Variants in CA12 observed in about 807,000 individuals in gnomAD.
CA12 encodes carbonic anhydrase 12.
CA12 carries 36 observed loss-of-function variants against 46.8 expected under a neutral mutation model. The ratio of observed to expected loss-of-function variants is 0.77; its 90% CI spans 0.59 to 1.02. CA12 has a LOEUF of 1.02. CA12 is among the 50% of genes least tolerant of loss of function. CA12 has a pLI of 0.00. For synonymous variants in CA12, 202 were observed against 187.0 expected (o/e 1.08, Z -0.65); for missense variants, 436 against 451.4 (o/e 0.97, Z 0.31).
At chr15:63,342,659 A>C (rs1332028741) in intron 4 of CA12, among the ~76,000 whole-genome samples, 1 of 152,188 alleles carries the variant, frequency 6.6e-6, no homozygotes, top group Non-Finnish European at 1.5e-5. Context: ...CCCTCTTCCC[A>C]TCATGGCCTG....
At position 63,327,314 on chromosome 15, in the gene CA12, G is replaced by T. The variant is rs1160917543; in HGVS notation, c.908-81C>A. ...CCATGGCCCCCGGGTGTGAAATCAT[G>T]GCCCAGCTGCATAATCATCCACAGA... is the stretch of plus-strand genomic sequence containing the variant. On this transcript the variant is annotated intron_variant, in intron 9 of 10. Transcript: ENST00000178638. The surrounding 1 kb of genome is among the most constrained non-coding windows in gnomAD (Gnocchi z 4.5). The T allele has an allele frequency of 8.7e-6, 9 of 1,030,268 alleles. No individual in the cohort carries two copies. In the East Asian group the frequency reaches 2.3e-4, roughly 26 times the overall value. 63.8% of individuals were successfully genotyped at this position (1,030,268 alleles called of 1,614,324 possible).
intron 2 of CA12, among the ~76,000 whole-genome samples, chr15:63,354,236 T>A (rs929794723): frequency 6.6e-6 from 1 of 152,040 alleles, no homozygotes; most frequent in Non-Finnish European, 1.5e-5. Flanking sequence ...GAATCAGAGG[T>A]GGTCCCGGGA....
At position 63,370,639 on chromosome 15, in the gene CA12, G is replaced by C. The variant is rs1175776085; in HGVS notation, c.106+5019C>G. 2.0e-5 allele frequency among the ~76,000 whole-genome samples: 3 copies of C among 151,830 alleles called. No homozygotes were observed. In the East Asian group the frequency reaches 5.8e-4, roughly 29 times the overall value. Reference sequence around the variant, plus strand: ...AATACAAAGATTAGCCGGGCGTGGTGGTGGGTGCCTGTAATCCCAGCTACT... The same window carrying C: ...AATACAAAGATTAGCCGGGCGTGGTCGTGGGTGCCTGTAATCCCAGCTACT... On this transcript the variant is annotated intron_variant, in intron 2 of 10. Transcript: ENST00000178638.
chr15:63,364,188 T>TG lies in CA12; in HGVS notation c.106+11469dup, dbSNP rs560286715. Among the ~76,000 whole-genome samples, 164 of 145,490 alleles carry TG rather than the reference T, an allele frequency of 1.1e-3. No individual in the cohort carries two copies. The South Asian group carries it at 0.029, about 26-fold the overall frequency. On this transcript the variant is annotated intron_variant, in intron 2 of 10. Coordinates refer to ENST00000178638, the MANE Select transcript of CA12 (RefSeq NM_001218.5). ...GTAAAACTCTGTCTCAAAAAAAAAG[T>TG]GGGGGGGCGGTGAGGAGACTTGGCT...
At chr15:63,343,927 A>G (rs771498170) in intron 4 of CA12, among the ~76,000 whole-genome samples, 1 of 152,012 alleles carries the variant, frequency 6.6e-6, no homozygotes, top group Admixed American at 6.6e-5. Context: ...AAAGCAACAC[A>G]CCTCACATTT....
At chr15:63,337,463 TG>T (rs1411513784) in intron 8 of CA12, among the ~76,000 whole-genome samples, 4 of 152,202 alleles carry the variant, frequency 2.6e-5, no homozygotes, top group African/African-American at 9.7e-5. Context: ...TTTTGTTTTT[TG>T]GTTTTTTTTT....
chr15:63,367,837 T>C (rs1206332278), intron 2 of CA12, among the ~76,000 whole-genome samples: 2 of 152,232 alleles, frequency 1.3e-5, no homozygotes, highest in African/African-American at 4.8e-5. Flanking sequence ...CTTAAATGAA[T>C]ACTTACATAA....
Position 63,381,695 on chromosome 15 carries a change from G to T in CA12, c.26C>A (p.Ala9Glu). 1 of 1,608,198 alleles carries T rather than the reference G, an allele frequency of 6.2e-7. No individual in the cohort carries two copies. The highest frequency in any genetic ancestry group is 8.5e-7 in the Non-Finnish European group (1 of 1,177,452). Residue 9 changes from alanine to glutamate, a missense_variant, in exon 1 of 11, where the codon GCG becomes GAG. Transcript: ENST00000178638. ...TAAGATCACCAGCAGGAGCACGGCCGCCGCGTGCAGGCTGCGCCGGGGCAT... is the reference window on the plus strand; with the variant it reads ...TAAGATCACCAGCAGGAGCACGGCCTCCGCGTGCAGGCTGCGCCGGGGCAT... Reference protein sequence around the residue: MPRRSLHAAAVLLLVILKE... With the variant: MPRRSLHAEAVLLLVILKE...
At position 63,340,577 on chromosome 15, in the gene CA12, G is replaced by T; in HGVS notation, c.590-132C>A. On this transcript the variant is annotated intron_variant, in intron 6 of 10. Transcript: ENST00000178638. The surrounding 1 kb of genome is among the most constrained non-coding windows in gnomAD (Gnocchi z 4.4). ...GGTCATCTAACCCCAGGACCTGGTT[G>T]CAACATTGTTCAACAACCTGCTGCT... 1 of 1,414,842 alleles carries T rather than the reference G, an allele frequency of 7.1e-7. No homozygotes were observed. Among genetic ancestry groups the T allele is most frequent in the Non-Finnish European group, 1.0e-6 (1 of 1,000,228 alleles). The allele number at this position is 1,414,842 out of a possible 1,614,324, so 87.6% of individuals were successfully genotyped here.
chr15:63,357,782 A>G (rs558551376), intron 2 of CA12, among the ~76,000 whole-genome samples: 9 of 152,280 alleles, frequency 5.9e-5, no homozygotes, highest in South Asian at 4.1e-4. Context: ...GAACATTTCA[A>G]TATTCCAAAG....
In CA12 at chr15:63,348,109, A is replaced by C. The variant is rs1178769007; in HGVS notation, c.107-1400T>G. The stretch of plus-strand genomic sequence containing the variant: ...TTGGTCCCAGGCTTAGTTAGTTCTT[A>C]CTTCTAGGTCCGGACACACACATCG... On this transcript the variant is annotated intron_variant, in intron 2 of 10. Coordinates refer to ENST00000178638, the MANE Select transcript of CA12 (RefSeq NM_001218.5). This position sits in a 1 kb window ranked among gnomAD's most constrained non-coding sequence, Gnocchi z 4.6. Among the ~76,000 whole-genome samples the C allele has an allele frequency of 6.6e-6, 1 of 152,106 alleles. No homozygotes were observed. Among genetic ancestry groups the C allele is most frequent in the East Asian group, 1.9e-4 (1 of 5,194 alleles).
intron 1 of CA12, among the ~76,000 whole-genome samples, chr15:63,381,058 G>A (rs888149218): frequency 6.6e-6 from 1 of 151,992 alleles, no homozygotes; most frequent in Non-Finnish European, 1.5e-5. Flanking sequence ...GCGTGCGCGC[G>A]TGCGTGTGTG....
Position 63,346,625 on chromosome 15 carries a change from A to T in CA12, c.191T>A (p.Ile64Asn). ...LQSPIDLHSD[I>N]LQYDASLTPL... ...CGTGAGGCTGGCGTCATACTGGAGG[A>T]TGTCACTGTGCAGGTCTATGGGGGA... The change falls in exon 3 of 11, where the codon ATC becomes AAC. Residue 64 changes from isoleucine (I) to asparagine (N), a missense_variant. Physicochemically the swap from Ile to Asn is moderately radical, Grantham distance 149. Transcript: ENST00000178638. The T allele has an allele frequency of 3.2e-6, 5 of 1,572,554 alleles. No homozygotes were observed. The highest frequency in any genetic ancestry group is 3.5e-6 in the Non-Finnish European group (4 of 1,155,100).
intron 2 of CA12, among the ~76,000 whole-genome samples, chr15:63,357,573 T>A (rs569335588): frequency 6.6e-6 from 1 of 152,218 alleles, no homozygotes; most frequent in South Asian, 2.1e-4. Context: ...GAAACCCTCA[T>A]CACACTGAAG....
chr15:63,346,487 A>G (rs771456208), intron 3 of CA12, 43 bp downstream of exon 3: 1 of 1,380,484 alleles, frequency 7.2e-7, no homozygotes, highest in Admixed American at 1.9e-5. Flanking sequence ...CAGCTGAGGG[A>G]GACTCAGACA....
In CA12 at chr15:63,340,540, A is replaced by G; in HGVS notation, c.590-95T>C. The G allele has an allele frequency of 6.5e-7, 1 of 1,534,196 alleles. No individual in the cohort carries two copies. The highest frequency in any genetic ancestry group is 9.0e-7 in the Non-Finnish European group (1 of 1,107,716). On this transcript the variant is annotated intron_variant, in intron 6 of 10. Transcript: ENST00000178638. This position sits in a 1 kb window ranked among gnomAD's most constrained non-coding sequence, Gnocchi z 4.4. ...GCGACTGAGCCTAGAAACATGAACT[A>G]GCCCCTTTCAGGGTCATCTAACCCC... is the stretch of plus-strand genomic sequence containing the variant.
chr15:63,323,464 G>A lies in CA12; in HGVS notation c.*2821C>T, dbSNP rs2038820949. On this transcript the variant is annotated 3_prime_UTR_variant, in exon 11 of 11. Coordinates refer to ENST00000178638, the MANE Select transcript of CA12 (RefSeq NM_001218.5). The surrounding 1 kb of genome is among the most constrained non-coding windows in gnomAD (Gnocchi z 5.1). ...ATTAGTTACCTATCCCCATAACAGG[G>A]AGCTACAGAGTGCTTTGCAAATAGT... The A allele has an allele frequency of 1.3e-5, 2 of 151,868 alleles. No individual in the cohort carries two copies. The highest frequency in any genetic ancestry group is 4.2e-4 in the South Asian group (2 of 4,804). The allele number at this position is 151,868 out of a possible 1,614,324, so 9.4% of individuals were successfully genotyped here. A position where few individuals can be genotyped will look rare whatever the true frequency, so the allele number is the denominator to read the frequency against.
In CA12 at chr15:63,327,058, G is replaced by T; in HGVS notation, c.992+91C>A. ...GTAAGTGGTGGTCCAGGTGACTGCG[G>T]CTCTTCATGCCACAAAGCTGCCTTC... On this transcript the variant is annotated intron_variant, in intron 10 of 10. Transcript: ENST00000178638. The surrounding 1 kb of genome is among the most constrained non-coding windows in gnomAD (Gnocchi z 4.5). The T allele has an allele frequency of 8.4e-7, 1 of 1,184,444 alleles. No homozygotes were observed. Among genetic ancestry groups the T allele is most frequent in the Non-Finnish European group, 1.3e-6 (1 of 798,132 alleles). The allele number at this position is 1,184,444 out of a possible 1,614,324, so 73.4% of individuals were successfully genotyped here.
chr15:63,350,205 T>G (rs181732676), intron 2 of CA12, among the ~76,000 whole-genome samples: 1 of 152,260 alleles, frequency 6.6e-6, no homozygotes, highest in East Asian at 1.9e-4. Context: ...ATGTGAGAGA[T>G]AGAGGTGCCA....
Sources: allele counts gnomAD v4.1 joint callset (sites outside exome capture counted in the v4.1 genomes callset), GRCh38; gene constraint gnomAD v4.1.1; non-coding constraint Gnocchi (gnomAD v3.1); transcripts MANE v1.5; gene names NCBI Gene and HGNC (gene_info 2026-07-23, HGNC 2026-07-21).